LRRFIP2: variants seen among roughly 807,000 people sequenced by gnomAD.
LRRFIP2 encodes the protein leucine-rich repeat flightless-interacting protein 2.
LRRFIP2 carries 109 observed loss-of-function variants against 125.9 expected under a neutral mutation model. The ratio of observed to expected loss-of-function variants is 0.87; its 90% CI spans 0.74 to 1.01. The LOEUF (loss-of-function observed/expected upper bound fraction) is 1.01. Ranked by LOEUF, LRRFIP2 falls within the 50% of genes least tolerant of loss-of-function variation. The pLI is 0.00. For synonymous variants in LRRFIP2, 291 were observed against 293.1 expected (o/e 0.99, Z 0.07); for missense variants, 850 against 862.3 (o/e 0.99, Z 0.18).
intron 2 of LRRFIP2, among the ~76,000 whole-genome samples, chr3:37,129,715 G>A (rs1382713050): frequency 6.6e-6 from 1 of 152,144 alleles, no homozygotes; most frequent in Non-Finnish European, 1.5e-5. Flanking sequence ...AATTCCGACT[G>A]GATGCAGTGG....
intron 15 of LRRFIP2, among the ~76,000 whole-genome samples, chr3:37,100,411 T>C (rs1332164099): frequency 6.7e-6 from 1 of 148,554 alleles, no homozygotes; most frequent in Non-Finnish European, 1.5e-5. Flanking sequence ...TATGTATATA[T>C]ACATATACAT....
chr3:37,076,511 A>T (rs1294613860), intron 19 of LRRFIP2, among the ~76,000 whole-genome samples: 1 of 150,526 alleles, frequency 6.6e-6, no homozygotes, highest in Non-Finnish European at 1.5e-5. Flanking sequence ...CTGACGACGG[A>T]GTGAGACTCT....
intron 24 of LRRFIP2, 148 bp from the exon 25 acceptor site, chr3:37,059,058 G>T: frequency 1.1e-6 from 1 of 910,422 alleles, no homozygotes; most frequent in Non-Finnish European, 1.6e-6. Context: ...CCTAATAGGA[G>T]ACACACATCG....
rs887149310 is a variant in LRRFIP2 at position 37,060,199 on chromosome 3, C to T, written c.1750-1289G>A. ...TTATCAGTCCATCATCAGCAAACAC[C>T]CTCTGTCCTCAGTCTTTTCTGAGCA... On this transcript the variant is annotated intron_variant, in intron 24 of 27. Coordinates refer to ENST00000336686, the MANE Select transcript of LRRFIP2 (RefSeq NM_006309.4). This position sits in a 1 kb window ranked among gnomAD's most constrained non-coding sequence, Gnocchi z 4.1. 1.3e-5 allele frequency among the ~76,000 whole-genome samples: 2 copies of T among 152,160 alleles called. No individual in the cohort carries two copies. Among genetic ancestry groups the T allele is most frequent in the African/African-American group, 4.8e-5 (2 of 41,434 alleles).
At position 37,109,684 on chromosome 3, in the gene LRRFIP2, C is replaced by T. The variant is rs763181316; in HGVS notation, c.533G>A (p.Ser178Asn). 6.2e-7 allele frequency: 1 copy of T among 1,613,900 alleles called. No homozygotes were observed. Among genetic ancestry groups the T allele is most frequent in the Non-Finnish European group, 8.5e-7 (1 of 1,179,930 alleles). ...ACTCTTATATGTTGCCAGAGGGTCA[C>T]TGTACAGGGAAGAAGACTGCTAAGA... Reference protein sequence around the residue: ...YYTRQSSSLYSDPLATYKSDR... With the variant: ...YYTRQSSSLYNDPLATYKSDR... Residue 178 changes from serine to asparagine, a missense_variant, in exon 10 of 28, where the codon AGT becomes AAT. Coordinates refer to ENST00000336686, the MANE Select transcript of LRRFIP2 (RefSeq NM_006309.4).
chr3:37,083,875 A>G, intron 18 of LRRFIP2, 69 bp from the exon 19 acceptor site: 6 of 1,183,586 alleles, frequency 5.1e-6, no homozygotes, highest in Admixed American at 5.4e-5. Context: ...ATAACAGGAA[A>G]TTATAGCACT....
intron 3 of LRRFIP2, among the ~76,000 whole-genome samples, chr3:37,128,344 G>A (rs189413759): frequency 9.9e-4 from 150 of 152,200 alleles, no homozygotes; most frequent in African/African-American, 3.3e-3. Flanking sequence ...GGAATTTTCA[G>A]GACCAAGTCA....
At chr3:37,086,975 T>C (rs990466021) in intron 18 of LRRFIP2, among the ~76,000 whole-genome samples, 1 of 151,824 alleles carries the variant, frequency 6.6e-6, no homozygotes, top group African/African-American at 2.4e-5. Flanking sequence ...GATCCTCCCA[T>C]GTCAGCCTCC....
chr3:37,053,513 T>C lies in LRRFIP2; in HGVS notation c.*338A>G. On this transcript the variant is annotated 3_prime_UTR_variant, in exon 28 of 28. Coordinates refer to ENST00000336686, the MANE Select transcript of LRRFIP2 (RefSeq NM_006309.4). ...TCTCAGTGAGCACTCATAGAATTGC[T>C]GTCTGTCCTCCAGAACCCGTGCCAA... 3.7e-6 allele frequency: 1 copy of C among 269,934 alleles called. No individual in the cohort carries two copies. Among genetic ancestry groups the C allele is most frequent in the Non-Finnish European group, 7.2e-6 (1 of 138,160 alleles). 16.7% of individuals were successfully genotyped at this position (269,934 alleles called of 1,614,324 possible).
chr3:37,163,691 AC>A (rs1193953425), intron 1 of LRRFIP2, among the ~76,000 whole-genome samples: 1 of 152,244 alleles, frequency 6.6e-6, no homozygotes, highest in African/African-American at 2.4e-5. Flanking sequence ...GCCTATCCTG[AC>A]TAACAGACTT....
intron 6 of LRRFIP2, among the ~76,000 whole-genome samples, chr3:37,118,070 C>T (rs1196533965): frequency 6.6e-6 from 1 of 151,980 alleles, no homozygotes; most frequent in Non-Finnish European, 1.5e-5. Context: ...GCAATGTATC[C>T]CTACTGCTCT....
At chr3:37,070,506 T>A (rs929716785) in intron 21 of LRRFIP2, among the ~76,000 whole-genome samples, 1 of 151,114 alleles carries the variant, frequency 6.6e-6, no homozygotes, top group Admixed American at 6.6e-5. Context: ...AAGGCCGAGG[T>A]GGGTGGATCA....
intron 2 of LRRFIP2, among the ~76,000 whole-genome samples, chr3:37,139,043 A>G (rs533216022): frequency 4.5e-4 from 69 of 152,368 alleles, no homozygotes; most frequent in Non-Finnish European, 8.2e-4. Context: ...ACTATCTAGC[A>G]GGTAGCATAC....
At chr3:37,059,692 C>T (rs2087954242) in intron 24 of LRRFIP2, among the ~76,000 whole-genome samples, 1 of 151,724 alleles carries the variant, frequency 6.6e-6, no homozygotes, top group Non-Finnish European at 1.5e-5. Flanking sequence ...GAGGCTGAGG[C>T]AGGAGAATCA....
chr3:37,172,320 T>C (rs2096596535), intron 1 of LRRFIP2, among the ~76,000 whole-genome samples: 1 of 152,010 alleles, frequency 6.6e-6, no homozygotes, highest in African/African-American at 2.4e-5. Flanking sequence ...TAAATTATGG[T>C]TCATCTACAC....
chr3:37,065,704 A>T, intron 23 of LRRFIP2, 106 bp downstream of exon 23: 1 of 1,359,922 alleles, frequency 7.4e-7, no homozygotes, highest in Non-Finnish European at 1.0e-6. Context: ...GATCTACTTG[A>T]GTCTCAGCCC....
intron 18 of LRRFIP2, among the ~76,000 whole-genome samples, chr3:37,089,506 G>A (rs141125347): frequency 6.6e-6 from 1 of 152,216 alleles, no homozygotes; most frequent in Non-Finnish European, 1.5e-5. Flanking sequence ...TCACCAATCA[G>A]ACAATCTTTT....
intron 15 of LRRFIP2, among the ~76,000 whole-genome samples, chr3:37,100,097 TA>T (rs1407764653): frequency 6.6e-6 from 1 of 152,150 alleles, no homozygotes; most frequent in Non-Finnish European, 1.5e-5. Context: ...TAGAGAAAGT[TA>T]TTTGCTCCAG....
intron 13 of LRRFIP2, 115 bp from the exon 14 acceptor site, chr3:37,105,638 T>C: frequency 1.4e-6 from 1 of 707,906 alleles, no homozygotes; most frequent in Non-Finnish European, 2.5e-6. Flanking sequence ...ATAAGCAGCA[T>C]AATTGGTATA....
Sources: allele counts gnomAD v4.1 joint callset (sites outside exome capture counted in the v4.1 genomes callset), GRCh38; gene constraint gnomAD v4.1.1; non-coding constraint Gnocchi (gnomAD v3.1); transcripts MANE v1.5; gene names NCBI Gene and HGNC (gene_info 2026-07-23, HGNC 2026-07-21).